NEIL3: variants seen among roughly 807,000 people sequenced by gnomAD.
The protein encoded by NEIL3 is nei like DNA glycosylase 3.
A neutral mutation model predicts 57.5 loss-of-function variants in NEIL3; 48 were observed. The ratio of observed to expected loss-of-function variants is 0.83; its 90% CI spans 0.66 to 1.06. The LOEUF is 1.06. NEIL3 is among the 50% of genes least tolerant of loss of function. The probability of loss-of-function intolerance (pLI) is 0.00; values close to 1 mark genes in which losing one functional copy is unlikely to be tolerated. For missense variants in NEIL3, 717 were observed against 739.1 expected, an observed-to-expected ratio of 0.97 and a Z score of 0.35; for synonymous variants, 261 against 253.2, an observed-to-expected ratio of 1.03 and a Z score of -0.29.
intron 2 of NEIL3, among the ~76,000 whole-genome samples, chr4:177,329,007 A>C (rs988939343): frequency 6.6e-6 from 1 of 152,188 alleles, no homozygotes; most frequent in African/African-American, 2.4e-5. Flanking sequence ...TTTGCATATC[A>C]TTTGAAGATT....
At position 177,333,285 on chromosome 4, in the gene NEIL3, T is replaced by C. The variant is rs114330665; in HGVS notation, c.279-2403T>C. On this transcript the variant is annotated intron_variant, in intron 2 of 9. Transcript: ENST00000264596. ...GATGTTCAGATTATTCTGACAGTGA[T>C]AGCTTGGAGAATACGGCTGATTCTT... 4.0e-3 allele frequency among the ~76,000 whole-genome samples: 606 copies of C among 152,306 alleles called. 6 individuals carry two copies. The highest frequency in any genetic ancestry group is 0.013 in the African/African-American group (559 of 41,572).
chr4:177,369,983 T>C, the NEIL3 span, among the ~76,000 whole-genome samples: 1 of 152,156 alleles, frequency 6.6e-6, no homozygotes, highest in African/African-American at 2.4e-5. Flanking sequence ...GAAATAACAA[T>C]GGCGATAACC....
the NEIL3 span, among the ~76,000 whole-genome samples, chr4:177,368,687 T>C: frequency 2.7e-4 from 41 of 152,354 alleles, no homozygotes; most frequent in African/African-American, 9.4e-4. Context: ...ATTTTTAACG[T>C]TGTTACCACT....
downstream of NEIL3, among the ~76,000 whole-genome samples, chr4:177,364,489 G>GGCAGCC (rs1312296076): frequency 6.6e-6 from 1 of 152,160 alleles, no homozygotes; most frequent in Non-Finnish European, 1.5e-5. Context: ...AGGCAATTTT[G>GGCAGCC]GCAGCCACAG....
rs563722125 is a variant in NEIL3, at chr4:177,324,078, T to C, written c.278+1498T>C. Among the ~76,000 whole-genome samples, 4 of 152,270 alleles carry C rather than the reference T, an allele frequency of 2.6e-5. No homozygotes were observed. In the South Asian group the frequency reaches 8.3e-4, roughly 32 times the overall value. On this transcript the variant is annotated intron_variant, in intron 2 of 9. Transcript: ENST00000264596. ...ATCTGAACCTAAAATCATTTGCCCC[T>C]CTTTTCACAATGTAACAGAAGTTCA...
At chr4:177,314,942 G>A (rs1334900879) in intron 1 of NEIL3, among the ~76,000 whole-genome samples, 2 of 118,058 alleles carry the variant, frequency 1.7e-5, no homozygotes, top group African/African-American at 7.0e-5. Flanking sequence ...CTTGGTGGAC[G>A]CCTGTAGTCC....
At chr4:177,346,612 C>G (rs895248782) in intron 6 of NEIL3, among the ~76,000 whole-genome samples, 1 of 152,200 alleles carries the variant, frequency 6.6e-6, no homozygotes, top group African/African-American at 2.4e-5. Context: ...CTTTCTGCCT[C>G]TCCTCCCTCC....
intron 1 of NEIL3, among the ~76,000 whole-genome samples, chr4:177,320,855 A>T (rs1053638565): frequency 1.3e-5 from 2 of 151,942 alleles, no homozygotes; most frequent in Non-Finnish European, 2.9e-5. Context: ...CAAAGGAGGG[A>T]TATATAAAGC....
At chr4:177,345,970 C>T (rs1735213398) in intron 6 of NEIL3, among the ~76,000 whole-genome samples, 1 of 152,074 alleles carries the variant, frequency 6.6e-6, no homozygotes. Flanking sequence ...GGATTACAGG[C>T]ATGAACCACC....
chr4:177,341,478 C>T lies in NEIL3; in HGVS notation c.705C>T (p.Cys235=). ...TTTTTGGTTTTTTTTTTTTTTAGTG[C>T]CGTAAAGCAGGACTTGCTCTCTCTA... ...IRDFSILFYR[C]RKAGLALSKH... is the part of the protein sequence containing the mutation. Residue 235 remains cysteine, a splice_region_variant and synonymous_variant, in exon 6 of 10, where the codon TGC becomes TGT. Transcript: ENST00000264596. 3.2e-6 allele frequency: 5 copies of T among 1,548,090 alleles called. No individual in the cohort carries two copies. Among genetic ancestry groups the T allele is most frequent in the East Asian group, 2.3e-5 (1 of 42,686 alleles).
chr4:177,341,411 G>A, intron 5 of NEIL3, 65 bp from the exon 6 acceptor site: 1 of 1,372,932 alleles, frequency 7.3e-7, no homozygotes, highest in Non-Finnish European at 9.7e-7. Flanking sequence ...TCGAGAATGT[G>A]TCTTTGGCTC....
intron 4 of NEIL3, among the ~76,000 whole-genome samples, chr4:177,337,491 G>A (rs1275325500): frequency 2.0e-5 from 3 of 152,108 alleles, no homozygotes; most frequent in South Asian, 4.1e-4. Context: ...CTTGGAACAC[G>A]TGAGTTCAGT....
chr4:177,324,454 TAGCC>T (rs1358610727), intron 2 of NEIL3, among the ~76,000 whole-genome samples: 9 of 152,266 alleles, frequency 5.9e-5, no homozygotes, highest in Admixed American at 3.9e-4. Flanking sequence ...AATACGAGCA[TAGCC>T]TCTAAAAGAA....
At chr4:177,352,274 C>G (rs1247513655) in intron 7 of NEIL3, among the ~76,000 whole-genome samples, 1 of 152,224 alleles carries the variant, frequency 6.6e-6, no homozygotes, top group Non-Finnish European at 1.5e-5. Flanking sequence ...AGACATCACC[C>G]CTTGCACAGC....
Position 177,353,673 on chromosome 4 carries a change from A to G in NEIL3, c.1405A>G (p.Thr469Ala). 6.2e-7 allele frequency: 1 copy of G among 1,613,788 alleles called. No homozygotes were observed. Among genetic ancestry groups the G allele is most frequent in the Non-Finnish European group, 8.5e-7 (1 of 1,179,824 alleles). The part of the protein sequence containing the change: ...LFSPAHKKPK[T>A]AQYSSPELKS... The stretch of plus-strand genomic sequence containing the variant: ...TAGTCCAGCACATAAAAAACCGAAA[A>G]CAGCCCAATACTCATCACCAGAGCT... Residue 469 changes from threonine to alanine, a missense_variant, in exon 8 of 10, where the codon ACA becomes GCA. Coordinates refer to ENST00000264596, the MANE Select transcript of NEIL3 (RefSeq NM_018248.3).
At chr4:177,321,333 A>G (rs576528687) in intron 1 of NEIL3, among the ~76,000 whole-genome samples, 1 of 152,342 alleles carries the variant, frequency 6.6e-6, no homozygotes, top group East Asian at 1.9e-4. Context: ...AGACTGAGTT[A>G]ATGCGTAGAT....
intron 1 of NEIL3, among the ~76,000 whole-genome samples, chr4:177,314,255 C>G (rs1223152824): frequency 6.6e-6 from 1 of 152,120 alleles, no homozygotes; most frequent in Non-Finnish European, 1.5e-5. Flanking sequence ...TAACAAAGAA[C>G]AGAAACATTC....
At chr4:177,339,891 A>G (rs1291500727) in intron 5 of NEIL3, 34 bp downstream of exon 5, 3 of 1,385,704 alleles carry the variant, frequency 2.2e-6, no homozygotes, top group Admixed American at 1.8e-5. Context: ...TGTAAAATGT[A>G]AAATGTCAGT....
intron 6 of NEIL3, among the ~76,000 whole-genome samples, chr4:177,350,581 T>C (rs1735328912): frequency 6.6e-6 from 1 of 152,254 alleles, no homozygotes; most frequent in Non-Finnish European, 1.5e-5. Context: ...TTAATGAATT[T>C]ACATAGTGCT....
Sources: gnomAD v4.1 joint callset for allele counts (sites outside exome capture counted in the v4.1 genomes callset) on GRCh38, gnomAD v4.1.1 for gene constraint, MANE v1.5 for transcripts, NCBI Gene and HGNC (gene_info 2026-07-23, HGNC 2026-07-21) for gene names.